Variants in NKAIN3 observed in about 807,000 individuals in gnomAD.
NKAIN3 encodes the protein sodium/potassium transporting ATPase interacting 3.
Under a neutral mutation model 30.2 loss-of-function variants are expected in NKAIN3, and 25 were observed. That is an observed-to-expected ratio of 0.83 (90% confidence interval 0.60 to 1.16). The LOEUF (loss-of-function observed/expected upper bound fraction) is 1.16, where lower values mean the gene tolerates loss of function less well. Among genes scored for constraint, NKAIN3 ranks in the 50% most tolerant of loss-of-function variants. The pLI, the probability that NKAIN3 is intolerant of heterozygous loss-of-function variation, is 0.00. For synonymous variants in NKAIN3, 91 were observed against 89.6 expected (o/e 1.02, Z -0.09); for missense variants, 225 against 254.1 (o/e 0.89, Z 0.78).
At chr8:62,742,128 TTATA>T (rs35456394) in intron 3 of NKAIN3, among the ~76,000 whole-genome samples, 68 of 149,332 alleles carry the variant, frequency 4.6e-4, no homozygotes, top group Admixed American at 1.4e-3. Flanking sequence ...CATGTATATC[TTATA>T]TATATATATA....
chr8:62,848,009 G>A (rs1348071309), intron 4 of NKAIN3, among the ~76,000 whole-genome samples: 3 of 152,084 alleles, frequency 2.0e-5, no homozygotes, highest in Non-Finnish European at 4.4e-5. Context: ...CCTTATTTCT[G>A]GGTTCTCTAT....
intron 1 of NKAIN3, among the ~76,000 whole-genome samples, chr8:62,373,178 C>G (rs753221743): frequency 6.6e-5 from 10 of 152,044 alleles, no homozygotes; most frequent in Non-Finnish European, 1.5e-4. Context: ...AAATATTATC[C>G]CTTTTTGGTT....
In NKAIN3 at chr8:62,976,618, G is replaced by A. The variant is rs1433036120; in HGVS notation, c.*11211G>A. Reference sequence around the variant, plus strand: ...GGGTCTCGAATACAACACACCAATGGGTTTTGACTCTTTATCCAATTTGCC... The same window carrying A: ...GGGTCTCGAATACAACACACCAATGAGTTTTGACTCTTTATCCAATTTGCC... On this transcript the variant is annotated 3_prime_UTR_variant, in exon 7 of 7. Transcript: ENST00000623646. 2.0e-5 allele frequency among the ~76,000 whole-genome samples: 3 copies of A among 152,006 alleles called. No individual in the cohort carries two copies. The highest frequency in any genetic ancestry group is 1.3e-4 in the Admixed American group (2 of 15,256).
At chr8:62,852,081 G>C (rs1345106682) in intron 4 of NKAIN3, among the ~76,000 whole-genome samples, 1 of 152,128 alleles carries the variant, frequency 6.6e-6, no homozygotes, top group Non-Finnish European at 1.5e-5. Flanking sequence ...AATCCATCTG[G>C]TCCTGGACTT....
chr8:62,923,616 A>G (rs1822346088), intron 5 of NKAIN3, among the ~76,000 whole-genome samples: 1 of 152,202 alleles, frequency 6.6e-6, no homozygotes, highest in Non-Finnish European at 1.5e-5. Flanking sequence ...ACAAGAGCTT[A>G]ATTTTGTAAA....
intron 4 of NKAIN3, among the ~76,000 whole-genome samples, chr8:62,781,433 A>G (rs992410667): frequency 6.6e-6 from 1 of 151,832 alleles, no homozygotes; most frequent in Non-Finnish European, 1.5e-5. Context: ...AAATCTTAAA[A>G]TGTGTATGGA....
chr8:62,286,214 C>T (rs1426246276), intron 1 of NKAIN3, among the ~76,000 whole-genome samples: 1 of 152,086 alleles, frequency 6.6e-6, no homozygotes, highest in Non-Finnish European at 1.5e-5. Context: ...GGACACTAAC[C>T]CCTTTGTAAT....
chr8:62,294,063 G>A (rs569042934), intron 1 of NKAIN3, among the ~76,000 whole-genome samples: 2 of 152,326 alleles, frequency 1.3e-5, no homozygotes, highest in South Asian at 4.1e-4. Flanking sequence ...CTCCTGGCAT[G>A]CCGTTTGCTA....
chr8:62,507,584 A>T (rs1807682657), intron 1 of NKAIN3, among the ~76,000 whole-genome samples: 1 of 152,202 alleles, frequency 6.6e-6, no homozygotes, highest in Non-Finnish European at 1.5e-5. Context: ...CCTTATAATT[A>T]TACTTTGTTA....
intron 3 of NKAIN3, among the ~76,000 whole-genome samples, chr8:62,713,210 A>G (rs1371921102): frequency 6.6e-6 from 1 of 152,206 alleles, no homozygotes; most frequent in Non-Finnish European, 1.5e-5. Flanking sequence ...ACCAGGGTGC[A>G]CACACACTTG....
chr8:62,392,901 A>C (rs2129594670), intron 1 of NKAIN3, among the ~76,000 whole-genome samples: 1 of 152,208 alleles, frequency 6.6e-6, no homozygotes, highest in Non-Finnish European at 1.5e-5. Context: ...TTTTATATTC[A>C]GCATTCTCAG....
intron 4 of NKAIN3, among the ~76,000 whole-genome samples, chr8:62,765,011 A>C (rs1301105769): frequency 6.6e-6 from 1 of 152,102 alleles, no homozygotes; most frequent in African/African-American, 2.4e-5. Flanking sequence ...TTGGGAGGCC[A>C]AGGCGGGCAG....
At chr8:62,479,878 GA>G (rs1372277899) in intron 1 of NKAIN3, among the ~76,000 whole-genome samples, 1 of 152,088 alleles carries the variant, frequency 6.6e-6, no homozygotes, top group Non-Finnish European at 1.5e-5. Context: ...CTTTCCCAGA[GA>G]AATTGTAGAC....
At position 62,586,045 on chromosome 8, in the gene NKAIN3, G is replaced by A. The variant is rs73255094; in HGVS notation, c.193-3669G>A. 8.7e-3 allele frequency among the ~76,000 whole-genome samples: 1,325 copies of A among 152,224 alleles called. 29 individuals are homozygous for A. The highest frequency in any genetic ancestry group is 0.03 in the African/African-American group (1,242 of 41,542). On this transcript the variant is annotated intron_variant, in intron 2 of 6. Coordinates refer to ENST00000623646, the MANE Select transcript of NKAIN3 (RefSeq NM_001304533.3). The stretch of plus-strand genomic sequence containing the variant: ...CATTTTTTGAAATAAGATTAACCTT[G>A]AAATTAAAATTAGCTCAAAACTGCC...
chr8:62,505,079 G>A (rs1449868037), intron 1 of NKAIN3, among the ~76,000 whole-genome samples: 1 of 152,110 alleles, frequency 6.6e-6, no homozygotes, highest in East Asian at 1.9e-4. Flanking sequence ...AGGCAATAAA[G>A]GTAGTAAGAA....
intron 1 of NKAIN3, among the ~76,000 whole-genome samples, chr8:62,352,442 C>G (rs749400040): frequency 9.2e-5 from 14 of 152,140 alleles, no homozygotes; most frequent in Non-Finnish European, 1.8e-4. Context: ...AAAGAAGAAG[C>G]AACATTTTCT....
chr8:62,587,259 A>T (rs1810505877), intron 2 of NKAIN3, among the ~76,000 whole-genome samples: 1 of 151,968 alleles, frequency 6.6e-6, no homozygotes, highest in Admixed American at 6.6e-5. Context: ...AAAATCAAAA[A>T]TATATATTTT....
chr8:62,508,713 A>C (rs111243318), intron 1 of NKAIN3, among the ~76,000 whole-genome samples: 11 of 152,310 alleles, frequency 7.2e-5, no homozygotes, highest in African/African-American at 2.6e-4. Context: ...TTCTGTGTTC[A>C]TGTGAGTTTT....
chr8:62,714,906 T>C (rs1814843952), intron 3 of NKAIN3, among the ~76,000 whole-genome samples: 1 of 152,200 alleles, frequency 6.6e-6, no homozygotes, highest in South Asian at 2.1e-4. Context: ...ACAGTGCTGT[T>C]TGTTTAGTTA....
Sources: gnomAD v4.1 joint callset for allele counts (sites outside exome capture counted in the v4.1 genomes callset) on GRCh38, gnomAD v4.1.1 for gene constraint, MANE v1.5 for transcripts, NCBI Gene and HGNC (gene_info 2026-07-23, HGNC 2026-07-21) for gene names.